CENPE: variants seen among roughly 807,000 people sequenced by gnomAD.
CENPE encodes centromere-associated protein E.
A neutral mutation model predicts 336.1 loss-of-function variants in CENPE; 145 were observed. That is an observed-to-expected ratio of 0.43 (90% CI 0.38 to 0.50). The LOEUF (loss-of-function observed/expected upper bound fraction) is 0.50. CENPE is among the 20% of genes least tolerant of loss of function. The pLI is 0.00. For missense variants in CENPE, 2,719 were observed against 3,023.3 expected (o/e 0.90, Z 2.36); for synonymous variants, 1,013 against 984.8 (o/e 1.03, Z -0.54).
intron 20 of CENPE, 67 bp from the exon 21 acceptor site, chr4:103,160,846 T>C: frequency 7.5e-7 from 1 of 1,341,862 alleles, no homozygotes; most frequent in Non-Finnish European, 1.0e-6. Context: ...TTTTTAATTG[T>C]CCTTGAATCA....
At chr4:103,172,689 G>A (rs1428138706) in intron 16 of CENPE, among the ~76,000 whole-genome samples, 3 of 151,946 alleles carry the variant, frequency 2.0e-5, no homozygotes, top group African/African-American at 7.2e-5. Flanking sequence ...CCTATATACA[G>A]AAAACCCTAA....
rs1219802279 is a variant in CENPE, at chr4:103,106,173, A to C, written c.*49T>G. 7.7e-7 allele frequency: 1 copy of C among 1,303,952 alleles called. No homozygotes were observed. Among genetic ancestry groups the C allele is most frequent in the African/African-American group, 1.5e-5 (1 of 67,836 alleles). 80.8% of individuals were successfully genotyped at this position (1,303,952 alleles called of 1,614,324 possible). On this transcript the variant is annotated 3_prime_UTR_variant, in exon 49 of 49. Coordinates refer to ENST00000265148, the MANE Select transcript of CENPE (RefSeq NM_001813.3). ...CAGGGATAGACACATAAACAAAGTC[A>C]TTTCCAAATAAGGAATGCTGGATCT...
At chr4:103,194,164 C>A in intron 8 of CENPE, 65 bp downstream of exon 8, 1 of 1,220,254 alleles carries the variant, frequency 8.2e-7, no homozygotes, top group South Asian at 1.3e-5. Flanking sequence ...AACCAAACAT[C>A]CAGCAACTAA....
chr4:103,149,433 T>C, intron 26 of CENPE, 25 bp from the exon 27 acceptor site: 1 of 1,523,962 alleles, frequency 6.6e-7, no homozygotes, highest in Non-Finnish European at 8.7e-7. Context: ...TTTTTATAAT[T>C]ACCATTTTAC....
chr4:103,141,970 A>T (rs1752603091), intron 34 of CENPE, 62 bp from the exon 35 acceptor site: 3 of 1,023,202 alleles, frequency 2.9e-6, no homozygotes, highest in Non-Finnish European at 4.3e-6. Context: ...TTAAAAAATA[A>T]AGTGATATAT....
intron 42 of CENPE, among the ~76,000 whole-genome samples, chr4:103,125,595 T>C (rs1165705309): frequency 6.6e-6 from 1 of 152,028 alleles, no homozygotes; most frequent in East Asian, 1.9e-4. Flanking sequence ...ACGGGTGCAG[T>C]GGCTCACACC....
intron 48 of CENPE, among the ~76,000 whole-genome samples, chr4:103,106,763 AATT>A (rs1411949871): frequency 1.3e-5 from 2 of 152,164 alleles, no homozygotes; most frequent in Non-Finnish European, 2.9e-5. Flanking sequence ...TTTATTTTAC[AATT>A]ATTATATTTA....
In CENPE at chr4:103,147,490, T is replaced by G. The variant is rs770456827; in HGVS notation, c.4000A>C (p.Asn1334His). 3.7e-6 allele frequency: 6 copies of G among 1,614,156 alleles called. No individual in the cohort carries two copies. Among genetic ancestry groups the G allele is most frequent in the Non-Finnish European group, 5.1e-6 (6 of 1,180,028 alleles). The change falls in exon 29 of 49, where the codon AAT (asparagine) becomes CAT (histidine). Residue 1334 changes from asparagine to histidine, a missense_variant. By Grantham distance (68) the Asn-to-His change is moderately conservative. Coordinates refer to ENST00000265148, the MANE Select transcript of CENPE (RefSeq NM_001813.3). ...ARIEMERLRL[N>H]EKFQESQEEI... The stretch of plus-strand genomic sequence containing the variant: ...TCCTGACTTTCTTGAAATTTTTCAT[T>G]CAACCTGAGCCTTTCCATTTCTATT...
rs1358847993 is a variant in CENPE at position 103,176,039 on chromosome 4, G to A, written c.1400C>T (p.Ser467Leu). Residue 467 changes from serine to leucine, a missense_variant, in exon 15 of 49, where the codon TCA becomes TTA. Physicochemically the swap from Ser to Leu is moderately radical, Grantham distance 145. Transcript: ENST00000265148. ...LLREIDESVC[S>L]ESDVFSNTLD... ...AGTGTTACTGAAAACATCAGACTCT[G>A]AACAGACAGCTATAATTAGAGAAAA... 12 of 1,585,984 alleles carry A rather than the reference G, an allele frequency of 7.6e-6. No homozygotes were observed. The highest frequency in any genetic ancestry group is 1.0e-5 in the Non-Finnish European group (12 of 1,166,302).
intron 14 of CENPE, 99 bp downstream of exon 14, chr4:103,176,800 T>G (rs1307399871): frequency 2.2e-6 from 2 of 893,814 alleles, no homozygotes; most frequent in Non-Finnish European, 3.3e-6. Context: ...TACACAGTAT[T>G]TAAACATGTT....
Position 103,184,454 on chromosome 4 carries a change from C to T in CENPE, c.746-1166G>A, listed in dbSNP as rs1197340747. Among the ~76,000 whole-genome samples, 4 of 152,182 alleles carry T rather than the reference C, an allele frequency of 2.6e-5. No homozygotes were observed. The East Asian group carries it at 7.7e-4, about 29-fold the overall frequency. On this transcript the variant is annotated intron_variant, in intron 9 of 48. Coordinates refer to ENST00000265148, the MANE Select transcript of CENPE (RefSeq NM_001813.3). ...TATCAGTTACAAAAGGGTTTTCCCACTGTAAGTTGACTTCCAACAATTTTT... is the reference window on the plus strand; with the variant it reads ...TATCAGTTACAAAAGGGTTTTCCCATTGTAAGTTGACTTCCAACAATTTTT...
At chr4:103,137,034 A>G (rs896653317) in intron 39 of CENPE, among the ~76,000 whole-genome samples, 2 of 152,180 alleles carry the variant, frequency 1.3e-5, no homozygotes, top group Non-Finnish European at 2.9e-5. Flanking sequence ...TAAAACAGAC[A>G]CAGTCATTTA....
At chr4:103,191,659 G>C (rs1391695097) in intron 8 of CENPE, among the ~76,000 whole-genome samples, 1 of 126,104 alleles carries the variant, frequency 7.9e-6, no homozygotes, top group Non-Finnish European at 1.7e-5. Flanking sequence ...GGGGTGGGGG[G>C]AGGGGGGGAT....
chr4:103,129,923 C>T (rs942545606), intron 42 of CENPE, among the ~76,000 whole-genome samples: 1 of 152,072 alleles, frequency 6.6e-6, no homozygotes, highest in African/African-American at 2.4e-5. Context: ...GAAGAAAAAT[C>T]ACATGATCAT....
At chr4:103,192,535 G>C (rs576445271) in intron 8 of CENPE, among the ~76,000 whole-genome samples, 1 of 152,300 alleles carries the variant, frequency 6.6e-6, no homozygotes, top group East Asian at 1.9e-4. Context: ...AGTAATTCAA[G>C]AGAGATGAGA....
intron 35 of CENPE, 53 bp from the exon 36 acceptor site, chr4:103,141,157 T>C: frequency 4.9e-6 from 5 of 1,019,462 alleles, no homozygotes; most frequent in African/African-American, 3.2e-5. Context: ...GACAGATAAA[T>C]AATAGTTTCT....
At chr4:103,113,562 AAG>A (rs1393868034) in intron 46 of CENPE, among the ~76,000 whole-genome samples, 1 of 141,704 alleles carries the variant, frequency 7.1e-6, no homozygotes, top group African/African-American at 2.6e-5. Flanking sequence ...TATAATATAT[AAG>A]TAATATATAT....
chr4:103,111,521 T>C (rs576500800), intron 46 of CENPE, among the ~76,000 whole-genome samples: 128 of 152,344 alleles, frequency 8.4e-4, no homozygotes, highest in Non-Finnish European at 1.4e-3. Context: ...AAAGAGACTG[T>C]GTTTTGTAAA....
At chr4:103,194,741 T>C in intron 5 of CENPE, 57 bp from the exon 6 acceptor site, 1 of 1,365,802 alleles carries the variant, frequency 7.3e-7, no homozygotes, top group Non-Finnish European at 1.0e-6. Context: ...AGTTTGCTTT[T>C]CAAAAGAAGG....
Sources: allele counts gnomAD v4.1 joint callset (sites outside exome capture counted in the v4.1 genomes callset), GRCh38; gene constraint gnomAD v4.1.1; transcripts MANE v1.5; gene names NCBI Gene and HGNC (gene_info 2026-07-23, HGNC 2026-07-21).